Variants in PLCH2 observed in about 807,000 individuals in gnomAD.
PLCH2 encodes phospholipase C eta 2, also known as 1-phosphatidylinositol 4,5-bisphosphate phosphodiesterase eta-2.
PLCH2 carries 98 observed loss-of-function variants against 134.7 expected under a neutral mutation model. The observed-to-expected ratio is 0.73, with a 90% CI of 0.62 to 0.86. The LOEUF is 0.86. PLCH2 is among the 40% of genes least tolerant of loss of function. The pLI is 0.00. For missense variants in PLCH2, 1,994 were observed against 1,986.6 expected (o/e 1.00, Z -0.07); for synonymous variants, 974 against 827.5 (o/e 1.18, Z -3.04).
Position 2,504,169 on chromosome 1 carries a change from G to C in PLCH2, c.3207G>C (p.Glu1069Asp). 6.5e-7 allele frequency: 1 copy of C among 1,530,870 alleles called. No individual in the cohort carries two copies. The allele number at this position is 1,530,870 out of a possible 1,614,324, so 94.8% of individuals were successfully genotyped here. The part of the protein sequence containing the change: ...CNGEGAGGAY[E>D]RAPGSQTDGR... ...GCGAGGGCGCCGGCGGGGCATACGA[G>C]AGGGCCCCCGGCAGCCAGACGGACG... The change falls in exon 22 of 22, where the codon GAG becomes GAC. Residue 1069 changes from glutamate to aspartate, a missense_variant. By Grantham distance (45) the Glu-to-Asp change is conservative. Around this residue, in one of 2 missense-constraint regions of PLCH2, gnomAD observed 900 missense variants for 752.3 expected, o/e 1.20. Coordinates refer to ENST00000378486, the MANE Select transcript of PLCH2 (RefSeq NM_014638.4).
intron 20 of PLCH2, chr1:2,501,182 C>A (rs938539409): frequency 2.0e-5 from 3 of 152,066 alleles, no homozygotes; most frequent in African/African-American, 4.8e-5. Context: ...TGCCCAGAGG[C>A]GCCCCTGCAG....
chr1:2,479,476 T>G lies in PLCH2; in HGVS notation c.272-258T>G. The G allele has an allele frequency of 9.8e-6, 4 of 409,666 alleles. No homozygotes were observed. The South Asian group carries it at 1.2e-4, about 12-fold the overall frequency. The allele number at this position is 409,666 out of a possible 1,614,324, so 25.4% of individuals were successfully genotyped here. A position where few individuals can be genotyped will look rare whatever the true frequency, so the allele number is the denominator to read the frequency against. ...ACTGGGGGCTGCAGGTGGAGGGAGGTGGATGCTCTCCCTCGTGGGGGCGTG... is the reference window on the plus strand; with the variant it reads ...ACTGGGGGCTGCAGGTGGAGGGAGGGGGATGCTCTCCCTCGTGGGGGCGTG... On this transcript the variant is annotated intron_variant, in intron 2 of 21. Transcript: ENST00000378486.
chr1:2,478,428 G>C, intron 1 of PLCH2, 48 bp from the exon 2 acceptor site: 2 of 1,602,808 alleles, frequency 1.2e-6, no homozygotes, highest in Non-Finnish European at 1.7e-6. Flanking sequence ...TCTCTCCTGC[G>C]AGGAGTGGCT....
At chr1:2,495,884 A>C (rs981239539) in intron 13 of PLCH2, among the ~76,000 whole-genome samples, 1 of 151,950 alleles carries the variant, frequency 6.6e-6, no homozygotes, top group Admixed American at 6.5e-5. Flanking sequence ...TGCCCTCCCC[A>C]GGGGGCAACA....
At chr1:2,456,329 G>A (rs904403002) in intron 2 of PLCH2, among the ~76,000 whole-genome samples, 1 of 152,214 alleles carries the variant, frequency 6.6e-6, no homozygotes, top group African/African-American at 2.4e-5. Context: ...TGGCCGCTGA[G>A]CCCCGCAGGG....
intron 21 of PLCH2, 111 bp downstream of exon 21, chr1:2,502,520 G>A: frequency 8.7e-7 from 1 of 1,145,152 alleles, no homozygotes; most frequent in East Asian, 2.6e-5. Flanking sequence ...GAAGTGTGTG[G>A]TGGGATCCTG....
intron 2 of PLCH2, among the ~76,000 whole-genome samples, chr1:2,461,466 G>T (rs1640798044): frequency 6.6e-6 from 1 of 152,174 alleles, no homozygotes; most frequent in Non-Finnish European, 1.5e-5. Flanking sequence ...TGGCCCCTGG[G>T]CACTGGGAGG....
Position 2,480,325 on chromosome 1 carries a change from G to C in PLCH2, c.645+13G>C. 1 of 1,609,790 alleles carries C rather than the reference G, an allele frequency of 6.2e-7. No homozygotes were observed. The highest frequency in any genetic ancestry group is 1.1e-5 in the South Asian group (1 of 90,850). On this transcript the variant is annotated intron_variant, in intron 4 of 21. Coordinates refer to ENST00000378486, the MANE Select transcript of PLCH2 (RefSeq NM_014638.4). The stretch of plus-strand genomic sequence containing the variant: ...GCAGATGTTCAGGGTGAGCTGGGGG[G>C]AGCCCTACCTGGGCTCCAGAGCCAG...
intron 11 of PLCH2, among the ~76,000 whole-genome samples, chr1:2,491,623 T>C (rs546476171): frequency 5.7e-4 from 87 of 152,354 alleles, no homozygotes; most frequent in Admixed American, 5.6e-3. Flanking sequence ...TGTGGCCACG[T>C]GGGGAAGTTT....
chr1:2,480,124 G>C, intron 3 of PLCH2, 59 bp from the exon 4 acceptor site: 3 of 1,604,360 alleles, frequency 1.9e-6, no homozygotes, highest in Non-Finnish European at 2.6e-6. Flanking sequence ...CTAGGCCAGA[G>C]GGTGGAGGTG....
intron 2 of PLCH2, among the ~76,000 whole-genome samples, chr1:2,446,273 C>T (rs1639938965): frequency 6.6e-6 from 1 of 152,250 alleles, no homozygotes; most frequent in Non-Finnish European, 1.5e-5. Context: ...TCCAATGGCC[C>T]CTGGGCACAA....
chr1:2,417,496 A>G, the PLCH2 span, among the ~76,000 whole-genome samples: 1 of 152,020 alleles, frequency 6.6e-6, no homozygotes, highest in Non-Finnish European at 1.5e-5. Context: ...TTCCCAGGAG[A>G]GTGAGCCCAG....
upstream of PLCH2, among the ~76,000 whole-genome samples, chr1:2,472,465 G>A (rs898914937): frequency 6.6e-6 from 1 of 152,188 alleles, no homozygotes; most frequent in Admixed American, 6.5e-5. Context: ...GAAGAGCCAG[G>A]GCCAGGAAGG....
At position 2,448,152 on chromosome 1, in the gene PLCH2, C is replaced by T. The variant is rs1278449505; in HGVS notation, c.115+17523C>T. 6.6e-6 allele frequency among the ~76,000 whole-genome samples: 1 copy of T among 152,350 alleles called. No homozygotes were observed. The highest frequency in any genetic ancestry group is 1.9e-4 in the East Asian group (1 of 5,182). ...GGGCTGCCCTTGCCCTCCTGGAGCG[C>T]CAGGTGCCCCGGGTGTCTGGAGCAC... is the stretch of plus-strand genomic sequence containing the variant. On this transcript the variant is annotated intron_variant, in intron 2 of 3. Transcript: ENST00000609981. The surrounding 1 kb of genome is among the most constrained non-coding windows in gnomAD (Gnocchi z 4.0).
intron 2 of PLCH2, among the ~76,000 whole-genome samples, chr1:2,449,563 T>G (rs1360107037): frequency 6.6e-6 from 1 of 152,032 alleles, no homozygotes; most frequent in Non-Finnish European, 1.5e-5. Flanking sequence ...AGGCCCACAC[T>G]TGAGGGAGTG....
chr1:2,450,683 T>TCTCCCCACCTGCCCCCCCG (rs1640171743), intron 2 of PLCH2, among the ~76,000 whole-genome samples: 2 of 8,474 alleles, frequency 2.4e-4, no homozygotes, highest in South Asian at 4.5e-3. Flanking sequence ...CCTACCCCCC[T>TCTCCCCACCTGCCCCCCCG]CTCCCCGCCT....
intron 20 of PLCH2, 109 bp from the exon 21 acceptor site, chr1:2,502,003 A>G (rs1297539154): frequency 3.8e-6 from 4 of 1,041,000 alleles, no homozygotes; most frequent in Non-Finnish European, 5.3e-6. Flanking sequence ...CCTCGGACCG[A>G]GACACGCATG....
upstream of PLCH2, among the ~76,000 whole-genome samples, chr1:2,466,309 C>T (rs561214245): frequency 5.3e-4 from 81 of 152,330 alleles, no homozygotes; most frequent in Middle Eastern, 3.4e-3. Context: ...TGTTCATTCA[C>T]GAGGGCAGGT....
chr1:2,501,905 G>T, intron 20 of PLCH2: 1 of 503,704 alleles, frequency 2.0e-6, no homozygotes, highest in Non-Finnish European at 3.4e-6. Flanking sequence ...ATCTGTAGCA[G>T]CTACTGTCCC....
Sources: allele counts gnomAD v4.1 joint callset (sites outside exome capture counted in the v4.1 genomes callset), GRCh38; gene constraint gnomAD v4.1.1; regional missense constraint gnomAD v4.1.1; non-coding constraint Gnocchi (gnomAD v3.1); transcripts MANE v1.5; gene names NCBI Gene and HGNC (gene_info 2026-07-23, HGNC 2026-07-21).